The following WDR75 variants were observed in gnomAD, a reference collection of about 807,000 sequenced individuals.
The protein encoded by WDR75 is WD repeat domain 75.
Under a neutral mutation model 106.1 loss-of-function variants are expected in WDR75, and 52 were observed. The observed-to-expected ratio is 0.49, with a 90% CI of 0.39 to 0.62. The LOEUF is 0.62. Among genes scored for constraint, WDR75 ranks in the 20% least tolerant of loss-of-function variants. The pLI is 0.00. For synonymous variants in WDR75, 333 were observed against 335.5 expected, an observed-to-expected ratio of 0.99 and a Z score of 0.08; for missense variants, 905 against 970.3, an observed-to-expected ratio of 0.93 and a Z score of 0.89.
intron 10 of WDR75, 40 bp from the exon 11 acceptor site, chr2:189,463,806 T>A (rs758573093): frequency 1.2e-6 from 2 of 1,613,346 alleles, no homozygotes; most frequent in Non-Finnish European, 1.7e-6. Flanking sequence ...AGAGTGCATA[T>A]TTCTCTTATT....
In WDR75 at chr2:189,457,353, T is replaced by C. The variant is rs769667860; in HGVS notation, c.541T>C (p.Tyr181His). 11 of 1,604,702 alleles carry C rather than the reference T, an allele frequency of 6.9e-6. No individual in the cohort carries two copies. Among genetic ancestry groups the C allele is most frequent in the African/African-American group, 1.3e-5 (1 of 74,776 alleles). ...AGTACGGGAATTTTACTTGTCTGTT[T>C]ATTTTTTCAAAAAGAAAACAACATC... ...AAVREFYLSV[Y>H]FFKKKTTSRF... The change falls in exon 6 of 21, where the codon TAT becomes CAT. Residue 181 changes from tyrosine (Y) to histidine (H), a missense_variant. Transcript: ENST00000314761.
At chr2:189,441,943 A>T (rs1206884972) in intron 1 of WDR75, among the ~76,000 whole-genome samples, 1 of 152,008 alleles carries the variant, frequency 6.6e-6, no homozygotes, top group East Asian at 1.9e-4. Context: ...AGTGACTAAA[A>T]CCTAAAACTA....
At position 189,459,366 on chromosome 2, in the gene WDR75, G is replaced by T. The variant is rs115249680; in HGVS notation, c.720G>T (p.Thr240=). The T allele has an allele frequency of 8.7e-6, 14 of 1,612,288 alleles. No homozygotes were observed. In the African/African-American group the frequency reaches 1.2e-4, roughly 14 times the overall value. ...WRNFYDDKKY[T]YTCLHWHHDM... is the part of the protein sequence containing the mutation. ...ATTTTTATGATGATAAGAAATATAC[G>T]TACACATGTTTACATTGGCACCATG... is the stretch of plus-strand genomic sequence containing the variant. Residue 240 remains threonine, a synonymous_variant, in exon 8 of 21, where the codon ACG becomes ACT. Transcript: ENST00000314761.
chr2:189,452,425 G>A (rs1047934690), intron 4 of WDR75, among the ~76,000 whole-genome samples: 3 of 152,054 alleles, frequency 2.0e-5, no homozygotes, highest in African/African-American at 7.2e-5. Context: ...AGCCGGGTAT[G>A]GTGGCAGGCA....
Position 189,450,918 on chromosome 2 carries a change from C to T in WDR75, c.232C>T (p.Leu78Phe). The T allele has an allele frequency of 6.2e-7, 1 of 1,610,418 alleles. No homozygotes were observed. The highest frequency in any genetic ancestry group is 1.3e-5 in the African/African-American group (1 of 74,732). The change falls in exon 3 of 21, where the codon CTT (leucine) becomes TTT (phenylalanine). Residue 78 changes from leucine to phenylalanine, a missense_variant. Leu to Phe is a conservative substitution (Grantham distance 22, BLOSUM62 0). Transcript: ENST00000314761. ...NNHLQLYSCS[L>F]DGTIKLWDYI... ...ACCCTTTTAGCTGTATTCTTGTTCCCTTGATGGCACAATTAAACTGTGGGA... is the reference window on the plus strand; with the variant it reads ...ACCCTTTTAGCTGTATTCTTGTTCCTTTGATGGCACAATTAAACTGTGGGA...
At chr2:189,447,708 C>A (rs1013412063) in intron 1 of WDR75, among the ~76,000 whole-genome samples, 6 of 152,136 alleles carry the variant, frequency 3.9e-5, no homozygotes, top group Admixed American at 2.0e-4. Flanking sequence ...AGTTAATAAT[C>A]TCTTCTGAGT....
At position 189,463,678 on chromosome 2, in the gene WDR75, T is replaced by C; in HGVS notation, c.938-16T>C. ...AACCTATTGATATTTAAATACCTAT[T>C]TTTTTCTACCCACAGAGATAATAAT... On this transcript the variant is annotated splice_polypyrimidine_tract_variant and intron_variant, in intron 9 of 20. Transcript: ENST00000314761. The C allele has an allele frequency of 6.2e-7, 1 of 1,613,408 alleles. No individual in the cohort carries two copies. The highest frequency in any genetic ancestry group is 8.5e-7 in the Non-Finnish European group (1 of 1,179,616).
intron 1 of WDR75, among the ~76,000 whole-genome samples, chr2:189,443,723 T>C (rs999443425): frequency 6.6e-6 from 1 of 152,056 alleles, no homozygotes; most frequent in Non-Finnish European, 1.5e-5. Flanking sequence ...GGGGATGGAA[T>C]GCCAGGCAAA....
At chr2:189,465,476 A>G (rs13429628) in intron 12 of WDR75, among the ~76,000 whole-genome samples, 72 of 152,224 alleles carry the variant, frequency 4.7e-4, no homozygotes, top group African/African-American at 1.6e-3. Flanking sequence ...AAACATGGAA[A>G]AGTGACACCT....
intron 15 of WDR75, among the ~76,000 whole-genome samples, 194 bp downstream of exon 15, chr2:189,468,763 G>T (rs1687056514): frequency 6.6e-6 from 1 of 152,114 alleles, no homozygotes; most frequent in African/African-American, 2.4e-5. Flanking sequence ...CTGCTTAATT[G>T]TTGGTACGTC....
intron 1 of WDR75, among the ~76,000 whole-genome samples, chr2:189,442,460 T>TG: frequency 7.0e-6 from 1 of 142,314 alleles, no homozygotes; most frequent in Admixed American, 7.1e-5. Flanking sequence ...TTTTTTTTTT[T>TG]TTTTTTTTGA....
Position 189,448,499 on chromosome 2 carries a change from C to T in WDR75, c.207C>T (p.Asn69=), listed in dbSNP as rs1454400684. 2 of 1,613,796 alleles carry T rather than the reference C, an allele frequency of 1.2e-6. No individual in the cohort carries two copies. Among genetic ancestry groups the T allele is most frequent in the African/African-American group, 2.7e-5 (2 of 74,912 alleles). The change falls in exon 2 of 21, where the codon AAC becomes AAT. Residue 69 remains asparagine (N), a synonymous_variant. Transcript: ENST00000314761. The part of the protein sequence containing the change: ...LVTGIQLNPN[N]HLQLYSCSLD... ...CTGGAATCCAGCTTAACCCCAACAA[C>T]CATCTACAGGTGTCAAACAGTTTAT... is the stretch of plus-strand genomic sequence containing the variant.
chr2:189,461,056 C>T (rs1456692767), intron 8 of WDR75, among the ~76,000 whole-genome samples: 1 of 145,194 alleles, frequency 6.9e-6, no homozygotes, highest in African/African-American at 2.9e-5. Context: ...TCAGATTAAA[C>T]TTCTTAATTT....
At chr2:189,446,646 T>C (rs1278890019) in intron 1 of WDR75, among the ~76,000 whole-genome samples, 1 of 152,188 alleles carries the variant, frequency 6.6e-6, no homozygotes, top group Non-Finnish European at 1.5e-5. Flanking sequence ...ATTTAGTGTG[T>C]TGTAATACAG....
chr2:189,464,117 C>G lies in WDR75; in HGVS notation c.1113+156C>G, dbSNP rs1686954148. The G allele has an allele frequency of 7.4e-6, 5 of 673,714 alleles. No individual in the cohort carries two copies. In the South Asian group the frequency reaches 9.8e-5, roughly 13 times the overall value. The allele number at this position is 673,714 out of a possible 1,614,324, so 41.7% of individuals were successfully genotyped here. ...GGTTACTTAGTTCAGTTGTTCAGAGCATAATTCCATTGAGGCCACAGTTGC... is the reference window on the plus strand; with the variant it reads ...GGTTACTTAGTTCAGTTGTTCAGAGGATAATTCCATTGAGGCCACAGTTGC... On this transcript the variant is annotated intron_variant, in intron 11 of 20. Transcript: ENST00000314761.
chr2:189,470,717 A>G (rs1687099518), intron 17 of WDR75, 102 bp from the exon 18 acceptor site: 1 of 691,838 alleles, frequency 1.4e-6, no homozygotes. Context: ...ATATATATCA[A>G]AGTGAAAAAT....
chr2:189,457,264 A>T, intron 5 of WDR75, 47 bp from the exon 6 acceptor site: 21 of 1,187,542 alleles, frequency 1.8e-5, no homozygotes, highest in East Asian at 2.3e-5. Flanking sequence ...AAAAAAAAAG[A>T]GTGTTGACTA....
chr2:189,471,897 T>C (rs1444106099), intron 18 of WDR75, among the ~76,000 whole-genome samples: 2 of 152,222 alleles, frequency 1.3e-5, no homozygotes, highest in Non-Finnish European at 1.5e-5. Flanking sequence ...TTGATTATTA[T>C]AGAGTTGTAG....
chr2:189,448,310 T>C lies in WDR75; in HGVS notation c.87-69T>C. On this transcript the variant is annotated intron_variant, in intron 1 of 20. Transcript: ENST00000314761. Reference sequence around the variant, plus strand: ...ACCACTGAAACAATGATGAAAAATGTCTTTTTCAGCAGTGTGAAAACAGGC... The same window carrying C: ...ACCACTGAAACAATGATGAAAAATGCCTTTTTCAGCAGTGTGAAAACAGGC... 2 of 1,467,246 alleles carry C rather than the reference T, an allele frequency of 1.4e-6. 1 individual carries two copies. The highest frequency in any genetic ancestry group is 4.4e-5 in the Admixed American group (2 of 45,438). 90.9% of individuals were successfully genotyped at this position (1,467,246 alleles called of 1,614,324 possible).
Sources: allele counts gnomAD v4.1 joint callset (sites outside exome capture counted in the v4.1 genomes callset), GRCh38; gene constraint gnomAD v4.1.1; transcripts MANE v1.5; gene names NCBI Gene and HGNC (gene_info 2026-07-23, HGNC 2026-07-21).